NALF1: variants seen among roughly 807,000 people sequenced by gnomAD.
NALF1 encodes family with sequence similarity 155 member A.
NALF1 carries 3 observed loss-of-function variants against 48.4 expected under a neutral mutation model. The ratio of observed to expected loss-of-function variants is 0.06; its 90% CI spans 0.03 to 0.16. NALF1 has a LOEUF of 0.16. NALF1 is among the 10% of genes least tolerant of loss of function. The probability of loss-of-function intolerance (pLI) is 1.00; values close to 1 mark genes in which losing one functional copy is unlikely to be tolerated. For missense variants in NALF1, 526 were observed against 571.5 expected (o/e 0.92, Z 0.81); for synonymous variants, 262 against 245.7 (o/e 1.07, Z -0.62).
intron 1 of NALF1, among the ~76,000 whole-genome samples, chr13:107,249,664 T>A (rs533117862): frequency 6.6e-6 from 1 of 152,274 alleles, no homozygotes; most frequent in East Asian, 1.9e-4. Flanking sequence ...ATGACATAGA[T>A]AATTGAACTT....
intron 1 of NALF1, among the ~76,000 whole-genome samples, chr13:107,250,225 C>G (rs1243243043): frequency 6.6e-6 from 1 of 151,802 alleles, no homozygotes; most frequent in Non-Finnish European, 1.5e-5. Flanking sequence ...ACACCAGAAA[C>G]CACATTATCT....
intron 1 of NALF1, among the ~76,000 whole-genome samples, chr13:107,218,609 A>G (rs1355015254): frequency 9.9e-6 from 1 of 101,450 alleles, no homozygotes; most frequent in East Asian, 4.9e-4. Context: ...AAGGCCGAAA[A>G]CAAAAACAAA....
intron 1 of NALF1, among the ~76,000 whole-genome samples, chr13:107,302,809 G>A (rs1881862334): frequency 6.6e-6 from 1 of 152,168 alleles, no homozygotes; most frequent in Admixed American, 6.5e-5. Flanking sequence ...GGCTACATAT[G>A]ATTTCTCGCC....
intron 2 of NALF1, among the ~76,000 whole-genome samples, chr13:107,178,706 G>C (rs996405103): frequency 6.6e-6 from 1 of 152,168 alleles, no homozygotes; most frequent in African/African-American, 2.4e-5. Flanking sequence ...CACTTTGGCA[G>C]GCCAAGGCGG....
At chr13:107,485,906 C>T (rs942930811) in intron 1 of NALF1, among the ~76,000 whole-genome samples, 2 of 152,198 alleles carry the variant, frequency 1.3e-5, no homozygotes, top group Non-Finnish European at 2.9e-5. Flanking sequence ...CTCTCCATCA[C>T]TTCTTTTCGT....
chr13:107,662,865 G>A (rs1370474987), intron 1 of NALF1, among the ~76,000 whole-genome samples: 1 of 152,096 alleles, frequency 6.6e-6, no homozygotes, highest in Admixed American at 6.6e-5. Context: ...CTCAACTAAA[G>A]ACTATGCTTT....
chr13:107,225,482 G>T (rs2138819454), intron 1 of NALF1, among the ~76,000 whole-genome samples: 1 of 152,108 alleles, frequency 6.6e-6, no homozygotes, highest in South Asian at 2.1e-4. Context: ...TCACTGTGTT[G>T]CCCAGGGTGG....
intron 1 of NALF1, among the ~76,000 whole-genome samples, chr13:107,501,110 A>G (rs1471652741): frequency 6.6e-6 from 1 of 152,058 alleles, no homozygotes; most frequent in African/African-American, 2.4e-5. Context: ...AATAATAATA[A>G]AATTTAAAAA....
At chr13:107,416,971 G>A (rs115641414) in intron 1 of NALF1, among the ~76,000 whole-genome samples, 1,936 of 152,304 alleles carry the variant, frequency 0.013, 46 homozygotes, top group African/African-American at 0.043. Context: ...TCTCCAGTGA[G>A]GGTGGGTTCC....
At chr13:107,351,492 A>G (rs1882871198) in intron 1 of NALF1, among the ~76,000 whole-genome samples, 1 of 152,210 alleles carries the variant, frequency 6.6e-6, no homozygotes. Flanking sequence ...GGACTGCAGT[A>G]ATGCAGATAA....
intron 1 of NALF1, among the ~76,000 whole-genome samples, chr13:107,301,099 T>A (rs111583698): frequency 6.6e-6 from 1 of 152,190 alleles, no homozygotes; most frequent in African/African-American, 2.4e-5. Context: ...TATTGTAAAT[T>A]ATGTTTTTCA....
chr13:107,817,223 G>T (rs1879194996), intron 1 of NALF1, among the ~76,000 whole-genome samples: 1 of 152,182 alleles, frequency 6.6e-6, no homozygotes, highest in Admixed American at 6.6e-5. Context: ...CACTGCTGAA[G>T]ACAAAAAGCA....
At chr13:107,715,336 G>A (rs1875719886) in intron 1 of NALF1, among the ~76,000 whole-genome samples, 1 of 151,896 alleles carries the variant, frequency 6.6e-6, no homozygotes, top group South Asian at 2.1e-4. Context: ...CTGAGTAGCT[G>A]GGATTACAGG....
chr13:107,555,439 ATTTTTTTTTTT>A (rs34486058), intron 1 of NALF1, among the ~76,000 whole-genome samples: 3 of 69,962 alleles, frequency 4.3e-5, no homozygotes, highest in African/African-American at 5.5e-5. Context: ...AGCCTGGCTA[ATTTTTTTTTTT>A]TTTTTTTTTT....
intron 1 of NALF1, among the ~76,000 whole-genome samples, chr13:107,586,922 T>C (rs1261811782): frequency 6.6e-6 from 1 of 152,108 alleles, no homozygotes; most frequent in Non-Finnish European, 1.5e-5. Context: ...ATGATTAATC[T>C]ATTATGCTAG....
At chr13:107,629,608 T>TG (rs1879777377) in intron 1 of NALF1, among the ~76,000 whole-genome samples, 2 of 152,158 alleles carry the variant, frequency 1.3e-5, no homozygotes, top group Non-Finnish European at 2.9e-5. Context: ...CCCTTCCAGT[T>TG]GCTCTCTCTT....
chr13:107,664,243 A>C (rs1880801218), intron 1 of NALF1, among the ~76,000 whole-genome samples: 2 of 152,028 alleles, frequency 1.3e-5, no homozygotes, highest in African/African-American at 4.8e-5. Flanking sequence ...ACATATACAA[A>C]ATCTGTCCAC....
At chr13:107,485,135 C>G (rs1207680107) in intron 1 of NALF1, among the ~76,000 whole-genome samples, 1 of 152,152 alleles carries the variant, frequency 6.6e-6, no homozygotes, top group Non-Finnish European at 1.5e-5. Flanking sequence ...TGAAGCAGGG[C>G]TGCATTTGTA....
chr13:107,245,562 A>G (rs1594087181), intron 1 of NALF1, among the ~76,000 whole-genome samples: 1 of 152,336 alleles, frequency 6.6e-6, no homozygotes, highest in East Asian at 1.9e-4. Context: ...AGATCATTTT[A>G]TACATTGATA....
Sources: allele counts gnomAD v4.1 joint callset (sites outside exome capture counted in the v4.1 genomes callset), GRCh38; gene constraint gnomAD v4.1.1; transcripts MANE v1.5; gene names NCBI Gene and HGNC (gene_info 2026-07-23, HGNC 2026-07-21).